The following NEK11 variants were observed in gnomAD, a reference collection of about 807,000 sequenced individuals.
The protein encoded by NEK11 is NIMA related kinase 11.
A neutral mutation model predicts 80.7 loss-of-function variants in NEK11; 72 were observed. That is an observed-to-expected ratio of 0.89 (90% CI 0.74 to 1.08). The LOEUF is 1.08. NEK11 is among the 50% of genes least tolerant of loss of function. The pLI, the probability that NEK11 is intolerant of heterozygous loss-of-function variation, is 0.00. For missense variants in NEK11, 764 were observed against 763.6 expected, an observed-to-expected ratio of 1.00 and a Z score of -0.01; for synonymous variants, 251 against 260.7, an observed-to-expected ratio of 0.96 and a Z score of 0.36.
intron 17 of NEK11, among the ~76,000 whole-genome samples, chr3:131,317,808 GA>G (rs1308851563): frequency 0.035 from 27 of 772 alleles, no homozygotes; most frequent in South Asian, 0.071. Flanking sequence ...AGGAGGAGGA[GA>G]GGAGGAGGGG....
chr3:131,107,153 A>G (rs9875950), intron 4 of NEK11, among the ~76,000 whole-genome samples: 138,310 of 152,102 alleles, frequency 0.91, 63,406 homozygotes, highest in Middle Eastern at 0.95. Flanking sequence ...CCTCACAAGT[A>G]ACCAATTTTA....
At chr3:131,054,897 A>G (rs1412081950) in intron 3 of NEK11, among the ~76,000 whole-genome samples, 1 of 152,224 alleles carries the variant, frequency 6.6e-6, no homozygotes, top group Non-Finnish European at 1.5e-5. Flanking sequence ...CCAAGGCTTG[A>G]AATTACCCTT....
intron 4 of NEK11, among the ~76,000 whole-genome samples, chr3:131,105,696 T>C (rs2079074777): frequency 6.6e-6 from 1 of 152,184 alleles, no homozygotes; most frequent in South Asian, 2.1e-4. Flanking sequence ...GAGAACAGCA[T>C]GGGGGAAACC....
At chr3:131,293,137 T>TA (rs2096560600) in intron 17 of NEK11, among the ~76,000 whole-genome samples, 1 of 152,130 alleles carries the variant, frequency 6.6e-6, no homozygotes, top group Non-Finnish European at 1.5e-5. Flanking sequence ...AAAAGTGTGG[T>TA]GAGAGAGAAC....
At chr3:131,253,773 G>C (rs996404876) in intron 16 of NEK11, among the ~76,000 whole-genome samples, 2 of 152,128 alleles carry the variant, frequency 1.3e-5, no homozygotes, top group African/African-American at 2.4e-5. Flanking sequence ...CTGCTACAAA[G>C]TATATTAACT....
intron 5 of NEK11, among the ~76,000 whole-genome samples, chr3:131,112,148 T>C (rs767785109): frequency 3.5e-4 from 54 of 152,168 alleles, no homozygotes; most frequent in Admixed American, 6.5e-4. Flanking sequence ...TTTTTTGTAA[T>C]AGTGAAAACA....
intron 15 of NEK11, among the ~76,000 whole-genome samples, chr3:131,240,525 T>TTTG (rs200902975): frequency 0.05 from 7,607 of 151,932 alleles, 514 homozygotes; most frequent in African/African-American, 0.16. Flanking sequence ...ATAATTGGTT[T>TTTG]TTGTTGTTGT....
chr3:131,297,231 C>T (rs1018357228), intron 17 of NEK11, among the ~76,000 whole-genome samples: 4 of 151,640 alleles, frequency 2.6e-5, no homozygotes, highest in East Asian at 1.9e-4. Context: ...CCTGAGGAAT[C>T]GCCACACTGA....
rs1038448885 is a variant in NEK11, at chr3:131,162,415, AG to A, written c.972del (p.Ile325SerfsTer6). 9.9e-6 allele frequency: 16 copies of A among 1,612,864 alleles called. No homozygotes were observed. The African/African-American group carries it at 1.9e-4, about 19-fold the overall frequency. ...AATCTTTGTTATTTATAGGCAAAAA[AG>A]GATCCACCTGCAGACTCTGAGGGCA... Reference protein sequence around the residue: ...AAHIINAMQKRIHLQTLRALS... With the variant: ...AAHIINAMQKXIHLQTLRALS... On this transcript the variant is annotated frameshift_variant, in exon 11 of 18. Transcript: ENST00000383366. LOFTEE classifies it high-confidence loss of function.
chr3:131,104,618 A>G (rs575254656), intron 4 of NEK11, among the ~76,000 whole-genome samples: 1 of 152,210 alleles, frequency 6.6e-6, no homozygotes, highest in South Asian at 2.1e-4. Flanking sequence ...CTGATGAGGT[A>G]CAGTCTGCAG....
intron 5 of NEK11, among the ~76,000 whole-genome samples, chr3:131,117,153 T>G (rs1177625308): frequency 2.0e-5 from 3 of 152,216 alleles, no homozygotes; most frequent in African/African-American, 7.2e-5. Flanking sequence ...AAATTTAATA[T>G]AAGGTGTAAG....
rs530736861 is a variant in NEK11 at position 131,211,143 on chromosome 3, C to T, written c.1400-17385C>T. Among the ~76,000 whole-genome samples the T allele has an allele frequency of 3.9e-5, 6 of 152,264 alleles. No individual in the cohort carries two copies. In the East Asian group the frequency reaches 1.2e-3, roughly 29 times the overall value. Reference sequence around the variant, plus strand: ...TCCTTTCCATGTTTAGTGCTTCCTTCAGGAGCTCTTGTAAGGCAGGCCTGG... The same window carrying T: ...TCCTTTCCATGTTTAGTGCTTCCTTTAGGAGCTCTTGTAAGGCAGGCCTGG... On this transcript the variant is annotated intron_variant, in intron 14 of 17. Coordinates refer to ENST00000383366, the MANE Select transcript of NEK11 (RefSeq NM_024800.5).
At chr3:131,086,937 A>G (rs1376277725) in intron 4 of NEK11, among the ~76,000 whole-genome samples, 1 of 152,136 alleles carries the variant, frequency 6.6e-6, no homozygotes, top group East Asian at 1.9e-4. Context: ...ATCTTTGTCC[A>G]TTTCCTTCAG....
At chr3:131,095,995 G>A (rs1044530378) in intron 4 of NEK11, among the ~76,000 whole-genome samples, 3 of 152,112 alleles carry the variant, frequency 2.0e-5, no homozygotes, top group Non-Finnish European at 4.4e-5. Flanking sequence ...TTTAAATAGA[G>A]AGAACTGTTT....
chr3:131,289,379 A>T (rs1362023426), intron 17 of NEK11, among the ~76,000 whole-genome samples: 1 of 152,212 alleles, frequency 6.6e-6, no homozygotes, highest in Non-Finnish European at 1.5e-5. Context: ...TAGGACTTCA[A>T]CATATGAATT....
At chr3:131,265,947 G>A (rs1402818478) in intron 16 of NEK11, among the ~76,000 whole-genome samples, 2 of 152,264 alleles carry the variant, frequency 1.3e-5, no homozygotes, top group African/African-American at 4.8e-5. Context: ...ACTTGGGAGG[G>A]TGTATGTGTC....
intron 14 of NEK11, among the ~76,000 whole-genome samples, chr3:131,215,874 CG>C (rs1426242513): frequency 3.3e-5 from 5 of 152,140 alleles, no homozygotes; most frequent in Non-Finnish European, 7.3e-5. Flanking sequence ...AAACTGAAAG[CG>C]GAGGCTGTGC....
intron 16 of NEK11, among the ~76,000 whole-genome samples, chr3:131,259,805 A>G (rs1324269787): frequency 6.6e-6 from 1 of 152,182 alleles, no homozygotes; most frequent in African/African-American, 2.4e-5. Flanking sequence ...TGAAGGGGCC[A>G]CAGCTGGAGG....
At chr3:131,183,402 A>G (rs1183694206) in intron 14 of NEK11, among the ~76,000 whole-genome samples, 2 of 152,150 alleles carry the variant, frequency 1.3e-5, no homozygotes, top group Non-Finnish European at 2.9e-5. Flanking sequence ...ATTCAACCCC[A>G]TATGCATTAG....
Sources: allele counts gnomAD v4.1 joint callset (sites outside exome capture counted in the v4.1 genomes callset), GRCh38; gene constraint gnomAD v4.1.1; transcripts MANE v1.5; gene names NCBI Gene and HGNC (gene_info 2026-07-23, HGNC 2026-07-21).